Variants in HEATR3 observed in about 807,000 individuals in gnomAD.
HEATR3 encodes the protein HEAT repeat-containing protein 3.
In HEATR3, 56 loss-of-function variants were observed where a neutral mutation model predicts 72.8. The observed-to-expected ratio is 0.77, with a 90% CI of 0.62 to 0.96. The LOEUF (loss-of-function observed/expected upper bound fraction) is 0.96. Ranked by LOEUF, HEATR3 falls within the 40% of genes least tolerant of loss-of-function variation. The probability of loss-of-function intolerance (pLI) is 0.00; values close to 1 mark genes in which losing one functional copy is unlikely to be tolerated. For synonymous variants in HEATR3, 331 were observed against 318.1 expected (o/e 1.04, Z -0.43); for missense variants, 747 against 831.4 (o/e 0.90, Z 1.25).
chr16:50,083,879 C>G (rs1392208398), intron 7 of HEATR3, 58 bp from the exon 8 acceptor site: 1 of 1,503,886 alleles, frequency 6.6e-7, no homozygotes, highest in African/African-American at 1.4e-5. Flanking sequence ...GGAAATTCCC[C>G]AAAAACATTT....
At chr16:50,085,313 A>C (rs1010205109) in intron 10 of HEATR3, among the ~76,000 whole-genome samples, 1 of 152,134 alleles carries the variant, frequency 6.6e-6, no homozygotes, top group African/African-American at 2.4e-5. Flanking sequence ...AACTGTATAT[A>C]TGTCACATTT....
intron 11 of HEATR3, among the ~76,000 whole-genome samples, chr16:50,091,873 C>CAAAAAA (rs1157532465): frequency 1.6e-5 from 1 of 62,486 alleles, no homozygotes; most frequent in Non-Finnish European, 3.2e-5. Context: ...GACTCTGTCT[C>CAAAAAA]AAAAAAAAAA....
chr16:50,096,199 C>T (rs2037231236), intron 12 of HEATR3, among the ~76,000 whole-genome samples: 1 of 151,596 alleles, frequency 6.6e-6, no homozygotes, highest in Non-Finnish European at 1.5e-5. Flanking sequence ...GTGGCGCACT[C>T]CTATAATCCC....
rs1567453188 is a variant in HEATR3, at chr16:50,105,393, CAG to C, written c.*335_*336del. 8.3e-6 allele frequency: 2 copies of C among 240,572 alleles called. No individual in the cohort carries two copies. The highest frequency in any genetic ancestry group is 4.1e-5 in the South Asian group (1 of 24,248). 14.9% of individuals were successfully genotyped at this position (240,572 alleles called of 1,614,324 possible). On this transcript the variant is annotated 3_prime_UTR_variant, in exon 15 of 15. Coordinates refer to ENST00000299192, the MANE Select transcript of HEATR3 (RefSeq NM_182922.4). ...AGGAGAGTCGGTTGAACCTGGGAGA[CAG>C]AGGTTGCAGTGAGCTGAGATCACGC...
chr16:50,085,098 T>C (rs1334188211), intron 10 of HEATR3, among the ~76,000 whole-genome samples: 1 of 151,630 alleles, frequency 6.6e-6, no homozygotes, highest in Non-Finnish European at 1.5e-5. Context: ...ACCTTGGTGA[T>C]AAACCTATTA....
Position 50,066,152 on chromosome 16 carries a change from G to A in HEATR3, c.21G>A (p.Lys7=), listed in dbSNP as rs776392375. The change falls in exon 1 of 15, where the codon AAG becomes AAA. Residue 7 remains lysine, a synonymous_variant. Transcript: ENST00000299192. ...TCACCATGGGCAAGAGCCGGACGAA[G>A]CGCTTCAAGCGACCTCAGTTCTCCC... MGKSRT[K]RFKRPQFSPT... The A allele has an allele frequency of 1.3e-5, 20 of 1,596,920 alleles. No individual in the cohort carries two copies. The highest frequency in any genetic ancestry group is 6.9e-5 in the Admixed American group (4 of 57,686).
rs184185493 is a variant in HEATR3, at chr16:50,070,160, C to G, written c.400-18C>G. The G allele has an allele frequency of 3.5e-4, 452 of 1,299,644 alleles. 4 individuals carry two copies. Among genetic ancestry groups the G allele is most frequent in the Non-Finnish European group, 2.8e-5 (25 of 908,512 alleles). 80.5% of individuals were successfully genotyped at this position (1,299,644 alleles called of 1,614,324 possible). On this transcript the variant is annotated intron_variant, in intron 3 of 14. Coordinates refer to ENST00000299192, the MANE Select transcript of HEATR3 (RefSeq NM_182922.4). Reference sequence around the variant, plus strand: ...TCTTCTTAGGAACCAGGGTGCTAATCATGATATTTGGTTACAGTGTAGTGC... The same window carrying G: ...TCTTCTTAGGAACCAGGGTGCTAATGATGATATTTGGTTACAGTGTAGTGC...
chr16:50,070,826 A>T (rs1288364394), intron 4 of HEATR3, among the ~76,000 whole-genome samples: 1 of 152,056 alleles, frequency 6.6e-6, no homozygotes, highest in Admixed American at 6.6e-5. Flanking sequence ...CAGTCATTGC[A>T]TCTGACAAAA....
At chr16:50,098,581 A>G (rs931743170) in intron 12 of HEATR3, among the ~76,000 whole-genome samples, 1 of 152,106 alleles carries the variant, frequency 6.6e-6, no homozygotes, top group Non-Finnish European at 1.5e-5. Flanking sequence ...GTGTGAACCC[A>G]GGAGGCGGAG....
intron 10 of HEATR3, 49 bp downstream of exon 10, chr16:50,084,700 G>A: frequency 7.3e-7 from 1 of 1,361,486 alleles, no homozygotes; most frequent in Non-Finnish European, 1.0e-6. Context: ...TTTATTTTAT[G>A]AAATGATGGG....
intron 12 of HEATR3, among the ~76,000 whole-genome samples, chr16:50,097,314 CTT>C (rs10609618): frequency 0.17 from 23,108 of 135,516 alleles, 2,889 homozygotes; most frequent in African/African-American, 0.37. Flanking sequence ...TTTGTCTTTT[CTT>C]TTTTTTTTTT....
Position 50,066,246 on chromosome 16 carries a change from C to A in HEATR3, c.115C>A (p.Pro39Thr). The change falls in exon 1 of 15, where the codon CCG (proline) becomes ACG (threonine). Residue 39 changes from proline (P) to threonine (T), a missense_variant. Physicochemically the swap from Pro to Thr is conservative, Grantham distance 38. Coordinates refer to ENST00000299192, the MANE Select transcript of HEATR3 (RefSeq NM_182922.4). ...NGTGGEEDDGPAAELLEKLQH... is the reference protein window; with the variant it reads ...NGTGGEEDDGTAAELLEKLQH... ...GACCGGAGGCGAGGAGGACGACGGG[C>A]CGGCGGCGGAGCTGCTGGAAAAGGT... 1 of 1,563,780 alleles carries A rather than the reference C, an allele frequency of 6.4e-7. No homozygotes were observed.
Position 50,105,335 on chromosome 16 carries a change from G to A in HEATR3, c.*274G>A, listed in dbSNP as rs1183105543. 5.9e-6 allele frequency: 2 copies of A among 336,760 alleles called. No individual in the cohort carries two copies. Among genetic ancestry groups the A allele is most frequent in the African/African-American group, 2.2e-5 (1 of 45,286 alleles). 20.9% of individuals were successfully genotyped at this position (336,760 alleles called of 1,614,324 possible). On this transcript the variant is annotated 3_prime_UTR_variant, in exon 15 of 15. Transcript: ENST00000299192. ...CGCATGCATAAGCATGGTGGCACAT[G>A]CCTGTGATCCCAGCTACTCGGGAGG... is the stretch of plus-strand genomic sequence containing the variant.
At chr16:50,066,805 A>C in intron 2 of HEATR3, 1 of 366,490 alleles carries the variant, frequency 2.7e-6, no homozygotes, top group Non-Finnish European at 4.8e-6. Flanking sequence ...ACACTCTCCA[A>C]AAGCCCTCCT....
chr16:50,103,559 A>G (rs1161308037), intron 14 of HEATR3, among the ~76,000 whole-genome samples: 1 of 152,200 alleles, frequency 6.6e-6, no homozygotes, highest in Non-Finnish European at 1.5e-5. Context: ...TAACTTATTC[A>G]AAATGCAGGT....
At chr16:50,103,522 G>A (rs1004804437) in intron 14 of HEATR3, among the ~76,000 whole-genome samples, 34 of 152,190 alleles carry the variant, frequency 2.2e-4, no homozygotes, top group African/African-American at 8.0e-4. Context: ...TGCCCTCCTT[G>A]TATCAGCAGC....
chr16:50,086,496 A>G (rs2036991587), intron 11 of HEATR3, 145 bp downstream of exon 11: 2 of 907,998 alleles, frequency 2.2e-6, no homozygotes, highest in South Asian at 3.7e-5. Context: ...TATAGTTGCC[A>G]TGGGGTACAG....
At chr16:50,082,096 C>T (rs1156384949) in intron 7 of HEATR3, among the ~76,000 whole-genome samples, 1 of 152,112 alleles carries the variant, frequency 6.6e-6, no homozygotes, top group Non-Finnish European at 1.5e-5. Flanking sequence ...AATCCCAGCA[C>T]TTGGGGAGGC....
Position 50,094,808 on chromosome 16 carries a change from A to T in HEATR3, c.1599+15A>T, listed in dbSNP as rs756200160. 3.3e-6 allele frequency: 5 copies of T among 1,530,878 alleles called. No homozygotes were observed. The East Asian group carries it at 1.1e-4, about 35-fold the overall frequency. 94.8% of individuals were successfully genotyped at this position (1,530,878 alleles called of 1,614,324 possible). On this transcript the variant is annotated intron_variant, in intron 12 of 14. Transcript: ENST00000299192. ...ACATTTCCCAGGTAAGAGTTTTAAA[A>T]TTTTTTGTATGAAACTTGTAAAGAT... is the stretch of plus-strand genomic sequence containing the variant.
Sources: gnomAD v4.1 joint callset for allele counts (sites outside exome capture counted in the v4.1 genomes callset) on GRCh38, gnomAD v4.1.1 for gene constraint, MANE v1.5 for transcripts, NCBI Gene and HGNC (gene_info 2026-07-23, HGNC 2026-07-21) for gene names.